PPFIA1: variants seen among roughly 807,000 people sequenced by gnomAD.
PPFIA1 encodes the protein liprin-alpha-1.
A neutral mutation model predicts 149.9 loss-of-function variants in PPFIA1; 25 were observed. The observed-to-expected ratio is 0.17, with a 90% CI of 0.12 to 0.23. The LOEUF is 0.23. Ranked by LOEUF, PPFIA1 falls within the 10% of genes least tolerant of loss-of-function variation. The probability of loss-of-function intolerance (pLI) is 1.00; values close to 1 mark genes in which losing one functional copy is unlikely to be tolerated. For synonymous variants in PPFIA1, 549 were observed against 552.8 expected (o/e 0.99, Z 0.10); for missense variants, 1,362 against 1,506.5 (o/e 0.90, Z 1.59).
chr11:70,367,922 A>G (rs2057030800), intron 21 of PPFIA1, among the ~76,000 whole-genome samples: 1 of 152,176 alleles, frequency 6.6e-6, no homozygotes, highest in South Asian at 2.1e-4. Flanking sequence ...GATCGCTTTC[A>G]GCCCAGGAGT....
At chr11:70,332,980 T>C in intron 9 of PPFIA1, 2 of 451,840 alleles carry the variant, frequency 4.4e-6, no homozygotes, top group Non-Finnish European at 8.9e-6. Context: ...CTCGATTTCT[T>C]TTCTCCCCTG....
chr11:70,277,571 A>G (rs1266219372), intron 2 of PPFIA1, among the ~76,000 whole-genome samples: 1 of 151,410 alleles, frequency 6.6e-6, no homozygotes, highest in South Asian at 2.1e-4. Flanking sequence ...GCGCACTGCA[A>G]CCTCCATCTC....
At chr11:70,278,849 A>G (rs1234232206) in intron 2 of PPFIA1, 4 of 419,576 alleles carry the variant, frequency 9.5e-6, no homozygotes, top group South Asian at 5.0e-5. Context: ...CACTGGAATC[A>G]GCCACACTGG....
chr11:70,330,346 G>T, intron 8 of PPFIA1, 27 bp downstream of exon 8: 3 of 1,522,822 alleles, frequency 2.0e-6, no homozygotes, highest in South Asian at 1.3e-5. Context: ...ACCTTTGTCT[G>T]GCTTTAGTTA....
intron 21 of PPFIA1, among the ~76,000 whole-genome samples, chr11:70,367,205 C>T (rs138138124): frequency 2.0e-5 from 3 of 152,272 alleles, no homozygotes; most frequent in Non-Finnish European, 2.9e-5. Flanking sequence ...CAGAACTAGC[C>T]GACATGCAGT....
chr11:70,331,582 C>T (rs1188295166), intron 8 of PPFIA1, among the ~76,000 whole-genome samples: 3 of 152,232 alleles, frequency 2.0e-5, no homozygotes, highest in East Asian at 3.9e-4. Context: ...GAGTTCAAGA[C>T]CAGCCTGGCC....
intron 13 of PPFIA1, 123 bp downstream of exon 13, chr11:70,338,576 G>A (rs2055120158): frequency 1.4e-6 from 1 of 709,448 alleles, no homozygotes; most frequent in Non-Finnish European, 2.3e-6. Flanking sequence ...TAGCTTAGTA[G>A]GAAGCGAGAG....
chr11:70,295,276 G>A (rs1215446701), intron 2 of PPFIA1, among the ~76,000 whole-genome samples: 29 of 126,910 alleles, frequency 2.3e-4, no homozygotes, highest in Non-Finnish European at 3.4e-4. Flanking sequence ...CTGGCCGGGC[G>A]AGGGGCTGAC....
At chr11:70,301,182 C>T (rs568800295) in intron 2 of PPFIA1, among the ~76,000 whole-genome samples, 1 of 152,330 alleles carries the variant, frequency 6.6e-6, no homozygotes, top group South Asian at 2.1e-4. Context: ...AATAGAGATA[C>T]TACTTATTAC....
chr11:70,322,041 A>G (rs2053974321), intron 2 of PPFIA1, among the ~76,000 whole-genome samples: 1 of 152,078 alleles, frequency 6.6e-6, no homozygotes, highest in Admixed American at 6.6e-5. Flanking sequence ...CACCATGTCC[A>G]GCTAATTTTG....
intron 21 of PPFIA1, chr11:70,371,855 A>G (rs1213666702): frequency 6.3e-6 from 1 of 159,222 alleles, no homozygotes; most frequent in African/African-American, 2.4e-5. Context: ...TTTAGTGAGC[A>G]GTGTTGAATT....
At chr11:70,282,129 A>T (rs2050797547) in intron 2 of PPFIA1, among the ~76,000 whole-genome samples, 1 of 151,998 alleles carries the variant, frequency 6.6e-6, no homozygotes. Flanking sequence ...CCACTTAAAG[A>T]CAGTAGAGCA....
chr11:70,305,176 T>C (rs142722509), intron 2 of PPFIA1, among the ~76,000 whole-genome samples: 157 of 152,238 alleles, frequency 1.0e-3, no homozygotes, highest in African/African-American at 3.7e-3. Context: ...TGTCAATTGA[T>C]GCCCAAATGG....
intron 2 of PPFIA1, among the ~76,000 whole-genome samples, chr11:70,315,311 G>T (rs2053539951): frequency 6.6e-6 from 1 of 152,280 alleles, no homozygotes; most frequent in East Asian, 1.9e-4. Context: ...TTATAAAAAT[G>T]TGAAGTTTGT....
intron 14 of PPFIA1, 133 bp from the exon 15 acceptor site, chr11:70,343,536 C>T: frequency 2.6e-6 from 2 of 756,932 alleles, no homozygotes; most frequent in Non-Finnish European, 4.4e-6. Context: ...CATGTCAGTA[C>T]CTTATAAGCA....
At chr11:70,338,213 C>A (rs2055098079) in intron 12 of PPFIA1, among the ~76,000 whole-genome samples, 161 bp from the exon 13 acceptor site, 1 of 152,202 alleles carries the variant, frequency 6.6e-6, no homozygotes, top group Non-Finnish European at 1.5e-5. Context: ...ATGTTTATTG[C>A]AGTACTCTTG....
chr11:70,372,219 T>C lies in PPFIA1; in HGVS notation c.2870T>C (p.Leu957Pro), dbSNP rs769690451. ...PSAPPTSRTTLAYGDMNHEWI... is the reference protein window; with the variant it reads ...PSAPPTSRTTPAYGDMNHEWI... ...TTTTCCATTTATGAAAAGCAGACAC[T>C]CGCCTATGGGGACATGAACCACGAG... The change falls in exon 22 of 28, where the codon CTC (leucine) becomes CCC (proline). Residue 957 changes from leucine to proline, a missense_variant. Leu to Pro is a moderately conservative substitution (Grantham distance 98). Around this residue, in one of 7 missense-constraint regions of PPFIA1, gnomAD observed 349 missense variants for 373.3 expected, o/e 0.93. Transcript: ENST00000253925. 2.6e-5 allele frequency: 41 copies of C among 1,603,198 alleles called. No homozygotes were observed. The highest frequency in any genetic ancestry group is 3.3e-5 in the Non-Finnish European group (39 of 1,175,960).
At chr11:70,289,062 G>GGTTCAAGCAATTCTCCTGCCTCACTC (rs1409195310) in intron 2 of PPFIA1, among the ~76,000 whole-genome samples, 1 of 150,228 alleles carries the variant, frequency 6.7e-6, no homozygotes. Flanking sequence ...CCGCCTCCCG[G>GGTTCAAGCAATTCTCCTGCCTCACTC]GTTCAAGCAA....
chr11:70,308,337 C>T (rs2053012106), intron 2 of PPFIA1, among the ~76,000 whole-genome samples: 1 of 152,194 alleles, frequency 6.6e-6, no homozygotes, highest in African/African-American at 2.4e-5. Flanking sequence ...TGTGAGCCAC[C>T]ACGCCTGGCC....
Sources: allele counts gnomAD v4.1 joint callset (sites outside exome capture counted in the v4.1 genomes callset), GRCh38; gene constraint gnomAD v4.1.1; regional missense constraint gnomAD v4.1.1; transcripts MANE v1.5; gene names NCBI Gene and HGNC (gene_info 2026-07-23, HGNC 2026-07-21).